The following ADGRA2 variants were observed in gnomAD, a reference collection of about 807,000 sequenced individuals.
ADGRA2 encodes the protein G-protein coupled receptor 124.
Under a neutral mutation model 98.7 loss-of-function variants are expected in ADGRA2, and 61 were observed. That is an observed-to-expected ratio of 0.62 (90% CI 0.50 to 0.76). The LOEUF is 0.76. Ranked by LOEUF, ADGRA2 falls within the 30% of genes least tolerant of loss-of-function variation. The probability of loss-of-function intolerance (pLI) is 0.00; values close to 1 mark genes in which losing one functional copy is unlikely to be tolerated. For synonymous variants in ADGRA2, 858 were observed against 831.5 expected (o/e 1.03, Z -0.55); for missense variants, 1,712 against 1,860.0 (o/e 0.92, Z 1.46).
rs1384341828 is a variant in ADGRA2, at chr8:37,834,219, A to C, written c.1608+91A>C. ...TGCACCTGCCGTGCCCCAGCTAGCAAGAGCAGCAGACGTGACAAAGTTCTG... is the reference window on the plus strand; with the variant it reads ...TGCACCTGCCGTGCCCCAGCTAGCACGAGCAGCAGACGTGACAAAGTTCTG... On this transcript the variant is annotated intron_variant, in intron 11 of 18. Coordinates refer to ENST00000412232, the MANE Select transcript of ADGRA2 (RefSeq NM_032777.10). This position sits in a 1 kb window ranked among gnomAD's most constrained non-coding sequence, Gnocchi z 4.2. 7 of 1,208,256 alleles carry C rather than the reference A, an allele frequency of 5.8e-6. No individual in the cohort carries two copies. Among genetic ancestry groups the C allele is most frequent in the Non-Finnish European group, 8.1e-6 (7 of 868,998 alleles). The allele number at this position is 1,208,256 out of a possible 1,614,324, so 74.8% of individuals were successfully genotyped here. A position where few individuals can be genotyped will look rare whatever the true frequency, so the allele number is the denominator to read the frequency against.
Position 37,841,734 on chromosome 8 carries a change from C to A in ADGRA2, c.3396C>A (p.Gly1132=). ...SGSSGHPLAL[G]PCKLTNLQLA... ...GCAGCGGCCATCCGCTGGCTCTGGG[C>A]CCCTGCAAGCTCACCAACCTGCAGC... is the stretch of plus-strand genomic sequence containing the variant. The change falls in exon 19 of 19, where the codon GGC becomes GGA. Residue 1132 remains glycine, a synonymous_variant. Transcript: ENST00000412232. This position sits in a 1 kb window ranked among gnomAD's most constrained non-coding sequence, Gnocchi z 5.0. 1 of 1,541,474 alleles carries A rather than the reference C, an allele frequency of 6.5e-7. No individual in the cohort carries two copies. Among genetic ancestry groups the A allele is most frequent in the Non-Finnish European group, 8.7e-7 (1 of 1,144,386 alleles).
chr8:37,841,328 G>C lies in ADGRA2; in HGVS notation c.2990G>C (p.Ser997Thr), dbSNP rs912341043. ...SDSGSLLATG[S>T]ARVGTPGPPE... ...TCAGGTTCCCTTCTTGCTACTGGGA[G>C]CGCGCGAGTGGGGACGCCCGGGCCC... The change falls in exon 19 of 19, where the codon AGC becomes ACC. Residue 997 changes from serine (S) to threonine (T), a missense_variant. By Grantham distance (58) the Ser-to-Thr change is moderately conservative. Coordinates refer to ENST00000412232, the MANE Select transcript of ADGRA2 (RefSeq NM_032777.10). This position sits in a 1 kb window ranked among gnomAD's most constrained non-coding sequence, Gnocchi z 5.0. 1 of 1,606,186 alleles carries C rather than the reference G, an allele frequency of 6.2e-7. No individual in the cohort carries two copies. Among genetic ancestry groups the C allele is most frequent in the Non-Finnish European group, 8.5e-7 (1 of 1,176,608 alleles).
Position 37,842,004 on chromosome 8 carries a change from G to A in ADGRA2, c.3666G>A (p.Leu1222=). 2 of 1,517,532 alleles carry A rather than the reference G, an allele frequency of 1.3e-6. No individual in the cohort carries two copies. Among genetic ancestry groups the A allele is most frequent in the Non-Finnish European group, 8.8e-7 (1 of 1,140,146 alleles). The allele number at this position is 1,517,532 out of a possible 1,614,324, so 94.0% of individuals were successfully genotyped here. ...TGCTGTCCAGCGAGAGCGGCAGTCT[G>A]CACAACAGCCCCACCGACAGCTACC... ...LELLSSESGS[L]HNSPTDSYLG... Residue 1222 remains leucine, a synonymous_variant, in exon 19 of 19, where the codon CTG becomes CTA. Transcript: ENST00000412232.
At chr8:37,828,640 AT>A (rs148517222) in intron 2 of ADGRA2, among the ~76,000 whole-genome samples, 49,885 of 134,666 alleles carry the variant, frequency 0.37, 10,037 homozygotes, top group African/African-American at 0.59. Context: ...CACCTGGCTA[AT>A]TTTTTTTTTT....
rs766196801 is a variant in ADGRA2 at position 37,835,698 on chromosome 8, A to T, written c.1978A>T (p.Thr660Ser). Residue 660 changes from threonine (T) to serine (S), a missense_variant, in exon 13 of 19, where the codon ACC becomes TCC. Coordinates refer to ENST00000412232, the MANE Select transcript of ADGRA2 (RefSeq NM_032777.10). Reference sequence around the variant, plus strand: ...CCGCCTCTTCCACAGCCACAGCAACACCTCCCGCCCTGGAGCTGCTGGGCC... The same window carrying T: ...CCGCCTCTTCCACAGCCACAGCAACTCCTCCCGCCCTGGAGCTGCTGGGCC... The part of the protein sequence containing the change: ...NGRLFHSHSN[T>S]SRPGAAGPGK... The T allele has an allele frequency of 8.1e-6, 13 of 1,612,882 alleles. No individual in the cohort carries two copies. The Admixed American group carries it at 2.2e-4, about 27-fold the overall frequency.
At chr8:37,829,220 G>A in intron 3 of ADGRA2, 41 bp from the exon 4 acceptor site, 1 of 1,490,626 alleles carries the variant, frequency 6.7e-7, no homozygotes, top group Non-Finnish European at 9.4e-7. Flanking sequence ...CCCACGTGCT[G>A]CCACGTGGCC....
At chr8:37,812,634 T>A (rs1297859277) in intron 1 of ADGRA2, among the ~76,000 whole-genome samples, 5 of 150,968 alleles carry the variant, frequency 3.3e-5, no homozygotes, top group African/African-American at 9.7e-5. Flanking sequence ...CTCAAAAAAA[T>A]AAAAATAAAA....
intron 2 of ADGRA2, among the ~76,000 whole-genome samples, chr8:37,818,262 C>T (rs542797973): frequency 2.8e-4 from 42 of 152,332 alleles, no homozygotes; most frequent in Admixed American, 2.0e-3. Context: ...GGCTCTTCCT[C>T]CTCCTCCTTA....
In ADGRA2 at chr8:37,844,847, GAGA is replaced by G. The variant is rs1563358061; in HGVS notation, c.*2495_*2497del. ...AGCGGACCAGTGACTGGCGGTGCTG[GAGA>G]AGGTCACCGATGTGCTTCACCACAG... is the stretch of plus-strand genomic sequence containing the variant. On this transcript the variant is annotated 3_prime_UTR_variant, in exon 19 of 19. Coordinates refer to ENST00000412232, the MANE Select transcript of ADGRA2 (RefSeq NM_032777.10). 2 of 1,614,192 alleles carry G rather than the reference GAGA, an allele frequency of 1.2e-6. No individual in the cohort carries two copies. Among genetic ancestry groups the G allele is most frequent in the South Asian group, 2.2e-5 (2 of 91,090 alleles).
chr8:37,829,877 G>A lies in ADGRA2; in HGVS notation c.581G>A (p.Cys194Tyr). The change falls in exon 6 of 19, where the codon TGT (cysteine) becomes TAT (tyrosine). Residue 194 changes from cysteine (C) to tyrosine (Y), a missense_variant. By Grantham distance (194) the Cys-to-Tyr change is radical. Transcript: ENST00000412232. ...GACTTGGGCACCGAGTTCCTGACCT[G>A]TGACTGCCACCTGCGCTGGCTGCTG... is the stretch of plus-strand genomic sequence containing the variant. The part of the protein sequence containing the change: ...VVDLGTEFLT[C>Y]DCHLRWLLPW... 1 of 1,612,874 alleles carries A rather than the reference G, an allele frequency of 6.2e-7. No homozygotes were observed. Among genetic ancestry groups the A allele is most frequent in the Non-Finnish European group, 8.5e-7 (1 of 1,179,896 alleles).
intron 1 of ADGRA2, among the ~76,000 whole-genome samples, chr8:37,803,702 C>A (rs1040292784): frequency 6.6e-6 from 1 of 152,028 alleles, no homozygotes; most frequent in Non-Finnish European, 1.5e-5. Context: ...CCAGGACACT[C>A]TCAGCTCTCC....
At chr8:37,813,194 C>T (rs1216285682) in intron 1 of ADGRA2, among the ~76,000 whole-genome samples, 1 of 152,136 alleles carries the variant, frequency 6.6e-6, no homozygotes, top group East Asian at 1.9e-4. Flanking sequence ...TGCCACTGCA[C>T]TGTAGCCTGG....
Position 37,797,553 on chromosome 8 carries a change from C to A in ADGRA2, c.266+19C>A. 1 of 1,360,322 alleles carries A rather than the reference C, an allele frequency of 7.4e-7. No homozygotes were observed. The highest frequency in any genetic ancestry group is 2.1e-5 in the South Asian group (1 of 48,518). 84.3% of individuals were successfully genotyped at this position (1,360,322 alleles called of 1,614,324 possible). A position where few individuals can be genotyped will look rare whatever the true frequency, so the allele number is the denominator to read the frequency against. On this transcript the variant is annotated intron_variant, in intron 1 of 18. Transcript: ENST00000412232. The surrounding 1 kb of genome is among the most constrained non-coding windows in gnomAD (Gnocchi z 5.3). ...TTACCCTGTGAGTACCCTACCAGGC[C>A]AGTTCCGTCCGAGCCGGGACTGGGG...
chr8:37,829,899 G>T lies in ADGRA2; in HGVS notation c.603G>T (p.Leu201=), dbSNP rs1805403766. The T allele has an allele frequency of 6.2e-7, 1 of 1,612,878 alleles. No individual in the cohort carries two copies. Among genetic ancestry groups the T allele is most frequent in the Non-Finnish European group, 8.5e-7 (1 of 1,179,936 alleles). The change falls in exon 6 of 19, where the codon CTG becomes CTT. Residue 201 remains leucine (L), a synonymous_variant. Coordinates refer to ENST00000412232, the MANE Select transcript of ADGRA2 (RefSeq NM_032777.10). ...CCTGTGACTGCCACCTGCGCTGGCT[G>T]CTGCCCTGGGCCCAGAATCGCTCCC... The part of the protein sequence containing the change: ...FLTCDCHLRW[L]LPWAQNRSLQ...
chr8:37,806,892 C>A (rs750150705), intron 1 of ADGRA2, among the ~76,000 whole-genome samples: 1 of 152,182 alleles, frequency 6.6e-6, no homozygotes, highest in African/African-American at 2.4e-5. Context: ...ATTCCCTTCC[C>A]ATCCAAGCCC....
intron 1 of ADGRA2, among the ~76,000 whole-genome samples, chr8:37,813,966 C>G (rs1344353344): frequency 6.6e-6 from 1 of 152,256 alleles, no homozygotes; most frequent in Non-Finnish European, 1.5e-5. Flanking sequence ...GCCTGCACCT[C>G]TGGCCTTCCC....
rs1295177920 is a variant in ADGRA2 at position 37,829,836 on chromosome 8, C to G, written c.555-15C>G. On this transcript the variant is annotated splice_polypyrimidine_tract_variant and intron_variant, in intron 5 of 18. Transcript: ENST00000412232. The stretch of plus-strand genomic sequence containing the variant: ...CCCTCTGCTCTGCTCCGTGACCCCT[C>G]TGCCCACCCTGCAGGGACTTGGGCA... 1 of 1,604,782 alleles carries G rather than the reference C, an allele frequency of 6.2e-7. No individual in the cohort carries two copies. The highest frequency in any genetic ancestry group is 1.7e-5 in the Admixed American group (1 of 59,444).
intron 2 of ADGRA2, among the ~76,000 whole-genome samples, chr8:37,816,475 C>A (rs1258755370): frequency 6.6e-6 from 1 of 150,432 alleles, no homozygotes; most frequent in African/African-American, 2.5e-5. Context: ...TGCCTGTAAT[C>A]CCAGCTACTC....
intron 2 of ADGRA2, among the ~76,000 whole-genome samples, chr8:37,825,874 G>T (rs1017811557): frequency 7.9e-5 from 12 of 152,180 alleles, no homozygotes; most frequent in Admixed American, 2.6e-4. Context: ...GGGCACTCGT[G>T]GGGGCTGCCT....
Sources: gnomAD v4.1 joint callset for allele counts (sites outside exome capture counted in the v4.1 genomes callset) on GRCh38, gnomAD v4.1.1 for gene constraint, Gnocchi (gnomAD v3.1) non-coding constraint, MANE v1.5 for transcripts, NCBI Gene and HGNC (gene_info 2026-07-23, HGNC 2026-07-21) for gene names.